MEOX2: variants seen among roughly 807,000 people sequenced by gnomAD.
MEOX2 encodes mesenchyme homeobox 2.
MEOX2 carries 11 observed loss-of-function variants against 27.0 expected under a neutral mutation model. The ratio of observed to expected loss-of-function variants is 0.41; its 90% confidence interval spans 0.26 to 0.68. The LOEUF (loss-of-function observed/expected upper bound fraction) is 0.68. Among genes scored for constraint, MEOX2 ranks in the 30% least tolerant of loss-of-function variants. The pLI is 0.33. For missense variants in MEOX2, 436 were observed against 385.4 expected (o/e 1.13, Z -1.10); for synonymous variants, 189 against 155.4 (o/e 1.22, Z -1.61).
intron 1 of MEOX2, among the ~76,000 whole-genome samples, chr7:15,656,109 C>T (rs980328312): frequency 6.6e-6 from 1 of 151,812 alleles, no homozygotes; most frequent in South Asian, 2.1e-4. Flanking sequence ...CTCTCTCTGT[C>T]TCTGGTAATT....
chr7:15,656,650 T>G (rs1781826768), intron 1 of MEOX2, among the ~76,000 whole-genome samples: 1 of 151,928 alleles, frequency 6.6e-6, no homozygotes, highest in Non-Finnish European at 1.5e-5. Context: ...ACCATTATCT[T>G]AAATATTTCC....
intron 2 of MEOX2, among the ~76,000 whole-genome samples, chr7:15,626,525 G>C (rs1781310306): frequency 6.6e-6 from 1 of 151,732 alleles, no homozygotes; most frequent in Non-Finnish European, 1.5e-5. Flanking sequence ...ATAATCATAG[G>C]AGGATTCTTT....
chr7:15,668,349 G>A (rs1379852076), intron 1 of MEOX2: 2 of 151,954 alleles, frequency 1.3e-5, no homozygotes, highest in African/African-American at 4.8e-5. Flanking sequence ...TCTTTTCTCT[G>A]GCTTTACTTT....
At chr7:15,637,532 G>GCA (rs1228244394) in intron 1 of MEOX2, among the ~76,000 whole-genome samples, 1 of 149,998 alleles carries the variant, frequency 6.7e-6, no homozygotes, top group Non-Finnish European at 1.5e-5. Context: ...ACACACACAC[G>GCA]CACACACACA....
chr7:15,619,083 C>T (rs1781172576), intron 2 of MEOX2, among the ~76,000 whole-genome samples: 1 of 151,788 alleles, frequency 6.6e-6, no homozygotes, highest in East Asian at 1.9e-4. Flanking sequence ...TTCTCTTAGG[C>T]CTGGGTTTAT....
chr7:15,642,179 T>A (rs1583760829), intron 1 of MEOX2, among the ~76,000 whole-genome samples: 2 of 152,218 alleles, frequency 1.3e-5, no homozygotes, highest in Non-Finnish European at 2.9e-5. Context: ...AGGGAAATTT[T>A]CTTGAATTAT....
At chr7:15,662,830 T>C (rs986236785) in intron 1 of MEOX2, among the ~76,000 whole-genome samples, 2 of 152,160 alleles carry the variant, frequency 1.3e-5, no homozygotes, top group Non-Finnish European at 2.9e-5. Flanking sequence ...ATGCAGGACA[T>C]ATGAAAATTT....
At chr7:15,645,046 A>G (rs1409447891) in intron 1 of MEOX2, among the ~76,000 whole-genome samples, 1 of 152,218 alleles carries the variant, frequency 6.6e-6, no homozygotes, top group African/African-American at 2.4e-5. Flanking sequence ...CTTAGTGATA[A>G]CCTAATAAAG....
intron 2 of MEOX2, among the ~76,000 whole-genome samples, chr7:15,620,330 C>T (rs556821713): frequency 8.5e-5 from 13 of 152,276 alleles, no homozygotes; most frequent in African/African-American, 2.9e-4. Flanking sequence ...AATAAGTCAA[C>T]TCATGGAGAC....
At chr7:15,661,447 G>A (rs1781915550) in intron 1 of MEOX2, among the ~76,000 whole-genome samples, 1 of 151,992 alleles carries the variant, frequency 6.6e-6, no homozygotes. Flanking sequence ...CATAAACTAT[G>A]GGGCCTGAAT....
Position 15,612,222 on chromosome 7 carries a change from C to T in MEOX2, c.*165G>A. 1 of 631,532 alleles carries T rather than the reference C, an allele frequency of 1.6e-6. No individual in the cohort carries two copies. Among genetic ancestry groups the T allele is most frequent in the Non-Finnish European group, 2.7e-6 (1 of 364,974 alleles). 39.1% of individuals were successfully genotyped at this position (631,532 alleles called of 1,614,324 possible). ...TGTGGAAGCTCTTTAATAAGTGGCACTTTGTGTAAACCCTCTATAAATCAT... is the reference window on the plus strand; with the variant it reads ...TGTGGAAGCTCTTTAATAAGTGGCATTTTGTGTAAACCCTCTATAAATCAT... On this transcript the variant is annotated 3_prime_UTR_variant, in exon 3 of 3. Transcript: ENST00000262041.
intron 1 of MEOX2, among the ~76,000 whole-genome samples, chr7:15,662,889 A>G (rs977899730): frequency 6.6e-6 from 1 of 152,216 alleles, no homozygotes; most frequent in Non-Finnish European, 1.5e-5. Context: ...ATTAGAAAAT[A>G]ATCTAACAGA....
chr7:15,651,372 G>T (rs1781730435), intron 1 of MEOX2, among the ~76,000 whole-genome samples: 1 of 151,790 alleles, frequency 6.6e-6, no homozygotes, highest in African/African-American at 2.4e-5. Flanking sequence ...GTTCTTAATG[G>T]TCTAAAAATT....
chr7:15,643,172 G>C (rs1287602350), intron 1 of MEOX2, among the ~76,000 whole-genome samples: 1 of 152,184 alleles, frequency 6.6e-6, no homozygotes, highest in Non-Finnish European at 1.5e-5. Context: ...CAGCCAGTAG[G>C]TGATGCTTGC....
chr7:15,672,564 A>C (rs1366429347), intron 1 of MEOX2, among the ~76,000 whole-genome samples: 1 of 152,200 alleles, frequency 6.6e-6, no homozygotes, highest in Admixed American at 6.5e-5. Flanking sequence ...CAAATATATC[A>C]CATACAATCA....
At chr7:15,657,295 C>T (rs1348258773) in intron 1 of MEOX2, among the ~76,000 whole-genome samples, 1 of 152,118 alleles carries the variant, frequency 6.6e-6, no homozygotes, top group Non-Finnish European at 1.5e-5. Context: ...CACCCTCTTT[C>T]TCCTCCCCGT....
At position 15,630,336 on chromosome 7, in the gene MEOX2, C is replaced by A. The variant is rs181587338; in HGVS notation, c.518-3418G>T. On this transcript the variant is annotated intron_variant, in intron 1 of 2. Coordinates refer to ENST00000262041, the MANE Select transcript of MEOX2 (RefSeq NM_005924.5). The stretch of plus-strand genomic sequence containing the variant: ...CTTCTCCACATGTGACTTTTTATTT[C>A]CCCTAGTGCAAGAGAATGCCAAAAG... Among the ~76,000 whole-genome samples, 385 of 152,102 alleles carry A rather than the reference C, an allele frequency of 2.5e-3. 1 individual carries two copies. Among genetic ancestry groups the A allele is most frequent in the Admixed American group, 5.4e-3 (83 of 15,230 alleles).
At chr7:15,631,830 T>A (rs1781407344) in intron 1 of MEOX2, among the ~76,000 whole-genome samples, 1 of 151,190 alleles carries the variant, frequency 6.6e-6, no homozygotes, top group Middle Eastern at 3.4e-3. Context: ...GAATTTTAAT[T>A]TTTGGAAATA....
chr7:15,683,104 G>A (rs532814282), intron 1 of MEOX2, among the ~76,000 whole-genome samples: 6 of 151,966 alleles, frequency 3.9e-5, no homozygotes, highest in African/African-American at 9.6e-5. Flanking sequence ...AGAAGCTTAC[G>A]TATTATAGTT....
Sources: allele counts gnomAD v4.1 joint callset (sites outside exome capture counted in the v4.1 genomes callset), GRCh38; gene constraint gnomAD v4.1.1; transcripts MANE v1.5; gene names NCBI Gene and HGNC (gene_info 2026-07-23, HGNC 2026-07-21).